Variants in OR52K1 observed in about 807,000 individuals in gnomAD.
The protein encoded by OR52K1 is olfactory receptor 52K1.
A neutral mutation model predicts 8.7 loss-of-function variants in OR52K1; 10 were observed. The ratio of observed to expected loss-of-function variants is 1.15; its 90% CI spans 0.71 to 1.95. The LOEUF (loss-of-function observed/expected upper bound fraction) is 1.95. Among genes scored for constraint, OR52K1 ranks in the 30% most tolerant of loss-of-function variants. The pLI, the probability that OR52K1 is intolerant of heterozygous loss-of-function variation, is 0.00. For missense variants in OR52K1, 431 were observed against 397.2 expected (o/e 1.08, Z -0.72); for synonymous variants, 203 against 148.5 (o/e 1.37, Z -2.67).
chr11:4,484,363 G>A (rs996985473), intron 1 of OR52K1, among the ~76,000 whole-genome samples: 1 of 152,160 alleles, frequency 6.6e-6, no homozygotes, highest in African/African-American at 2.4e-5. Flanking sequence ...AACGCAATGG[G>A]CAACGTGGAG....
intron 1 of OR52K1, among the ~76,000 whole-genome samples, chr11:4,484,259 T>A (rs914448593): frequency 1.3e-5 from 2 of 152,158 alleles, no homozygotes; most frequent in African/African-American, 4.8e-5. Flanking sequence ...AGTGGAACTT[T>A]GTGTACTTGT....
chr11:4,484,396 G>C (rs532821747), intron 1 of OR52K1, among the ~76,000 whole-genome samples: 1 of 152,318 alleles, frequency 6.6e-6, no homozygotes, highest in East Asian at 1.9e-4. Context: ...GGATGATCCA[G>C]TGTGCTTGCT....
intron 1 of OR52K1, among the ~76,000 whole-genome samples, chr11:4,487,207 G>A (rs1846327851): frequency 1.3e-5 from 2 of 152,178 alleles, no homozygotes; most frequent in African/African-American, 4.8e-5. Flanking sequence ...TGAATAAAGG[G>A]AGGAGGATTT....
rs973009985 is a variant in OR52K1, at chr11:4,485,188, T to C, written c.-329+2012T>C. ...TAAGATAGTACATTATTTGGGGATG[T>C]TTCTATCTTAATAGTTTCCACTGTC... On this transcript the variant is annotated intron_variant, in intron 1 of 1. Coordinates refer to ENST00000641528, the MANE Select transcript of OR52K1 (RefSeq NM_001005171.3). 1.0e-4 allele frequency among the ~76,000 whole-genome samples: 15 copies of C among 146,632 alleles called. No individual in the cohort carries two copies. In the South Asian group the frequency reaches 1.0e-3, roughly 10 times the overall value.
At chr11:4,487,145 G>A (rs369192129) in intron 1 of OR52K1, among the ~76,000 whole-genome samples, 1 of 152,292 alleles carries the variant, frequency 6.6e-6, no homozygotes. Context: ...CCTTGAGAGA[G>A]TTGAGATTGT....
At position 4,487,742 on chromosome 11, in the gene OR52K1, CTG is replaced by C. The variant is rs566279842; in HGVS notation, c.-328-828_-328-827del. Among the ~76,000 whole-genome samples the C allele has an allele frequency of 8.5e-5, 13 of 152,248 alleles. No individual in the cohort carries two copies. The East Asian group carries it at 1.9e-3, about 23-fold the overall frequency. ...TTTTGTTTTCAATATTTACTTTGTT[CTG>C]TGACTATTAAGTGTTTGAAGTACAT... On this transcript the variant is annotated intron_variant, in intron 1 of 1. Transcript: ENST00000641528.
In OR52K1 at chr11:4,489,005, T is replaced by C; in HGVS notation, c.105T>C (p.Phe35=). ...LHAWISIPFC[F]AYTLALLGNC... ...CCTGGATCTCCATCCCCTTCTGCTT[T>C]GCTTATACTCTGGCCCTGCTAGGCA... Residue 35 remains phenylalanine (F), a synonymous_variant, in exon 2 of 2, where the codon TTT becomes TTC. Coordinates refer to ENST00000641528, the MANE Select transcript of OR52K1 (RefSeq NM_001005171.3). 1 of 1,614,186 alleles carries C rather than the reference T, an allele frequency of 6.2e-7. No homozygotes were observed. The highest frequency in any genetic ancestry group is 8.5e-7 in the Non-Finnish European group (1 of 1,180,026).
Position 4,488,869 on chromosome 11 carries a change from T to C in OR52K1, c.-32T>C. 1 of 1,503,950 alleles carries C rather than the reference T, an allele frequency of 6.6e-7. No individual in the cohort carries two copies. Among genetic ancestry groups the C allele is most frequent in the Non-Finnish European group, 9.2e-7 (1 of 1,087,342 alleles). The allele number at this position is 1,503,950 out of a possible 1,614,324, so 93.2% of individuals were successfully genotyped here. A position where few individuals can be genotyped will look rare whatever the true frequency, so the allele number is the denominator to read the frequency against. On this transcript the variant is annotated 5_prime_UTR_variant, in exon 2 of 2. Coordinates refer to ENST00000641528, the MANE Select transcript of OR52K1 (RefSeq NM_001005171.3). ...GTATATATAGAAGGTGAAGAAGCCC[T>C]GTAAAAATTGACAAGGAGATTTCCA... is the stretch of plus-strand genomic sequence containing the variant.
intron 1 of OR52K1, among the ~76,000 whole-genome samples, chr11:4,487,947 G>C (rs988694279): frequency 1.3e-5 from 2 of 152,104 alleles, no homozygotes; most frequent in African/African-American, 4.8e-5. Flanking sequence ...AAGATAAAAA[G>C]GTGAAAAATT....
chr11:4,484,553 A>G (rs1290236731), intron 1 of OR52K1, among the ~76,000 whole-genome samples: 1 of 152,110 alleles, frequency 6.6e-6, no homozygotes, highest in East Asian at 1.9e-4. Context: ...CAGGCATGGC[A>G]GGTTTGACAT....
chr11:4,484,011 A>G (rs1020352269), intron 1 of OR52K1, among the ~76,000 whole-genome samples: 5 of 152,212 alleles, frequency 3.3e-5, no homozygotes, highest in Admixed American at 2.6e-4. Flanking sequence ...TCCATTCTGG[A>G]TGCATTTTAA....
intron 1 of OR52K1, among the ~76,000 whole-genome samples, chr11:4,487,095 G>A (rs1428886668): frequency 1.3e-5 from 2 of 152,140 alleles, no homozygotes; most frequent in African/African-American, 2.4e-5. Context: ...GGTTTGTGAT[G>A]GGAATAAAAT....
intron 1 of OR52K1, among the ~76,000 whole-genome samples, chr11:4,485,728 CA>C (rs1159092913): frequency 6.6e-6 from 1 of 152,180 alleles, no homozygotes; most frequent in Non-Finnish European, 1.5e-5. Flanking sequence ...TATTCTCCAT[CA>C]TAGATGCCAG....
intron 1 of OR52K1, among the ~76,000 whole-genome samples, chr11:4,484,725 T>C (rs1367078006): frequency 6.6e-6 from 1 of 151,648 alleles, no homozygotes; most frequent in Admixed American, 6.6e-5. Context: ...ATATTCACGG[T>C]CTTTTCAGGA....
chr11:4,483,823 C>T (rs1011212550), intron 1 of OR52K1, among the ~76,000 whole-genome samples: 1 of 152,066 alleles, frequency 6.6e-6, no homozygotes, highest in Non-Finnish European at 1.5e-5. Flanking sequence ...TTCTTAGACG[C>T]CAGGCATGTT....
chr11:4,485,572 G>A (rs538767044), intron 1 of OR52K1, among the ~76,000 whole-genome samples: 37 of 152,178 alleles, frequency 2.4e-4, no homozygotes, highest in African/African-American at 8.9e-4. Context: ...AAATGCCACT[G>A]ACACATTTTA....
intron 1 of OR52K1, among the ~76,000 whole-genome samples, chr11:4,484,839 C>CAG (rs761339266): frequency 2.1e-4 from 31 of 150,712 alleles, no homozygotes; most frequent in Non-Finnish European, 5.9e-5. Context: ...CACAGACACA[C>CAG]ACACACACAC....
In OR52K1 at chr11:4,492,588, A is replaced by T. The variant is rs1231316855; in HGVS notation, c.*2743A>T. 2.6e-5 allele frequency: 4 copies of T among 152,230 alleles called. No homozygotes were observed. Among genetic ancestry groups the T allele is most frequent in the African/African-American group, 7.2e-5 (3 of 41,454 alleles). 9.4% of individuals were successfully genotyped at this position (152,230 alleles called of 1,614,324 possible). On this transcript the variant is annotated 3_prime_UTR_variant, in exon 2 of 2. Transcript: ENST00000641528. Reference sequence around the variant, plus strand: ...TTCAACTCATGACAGCTCAAGACTGAATATTTAAAGGAAATACAGTCTTCT... The same window carrying T: ...TTCAACTCATGACAGCTCAAGACTGTATATTTAAAGGAAATACAGTCTTCT...
Position 4,482,688 on chromosome 11 carries a change from T to TA in OR52K1, c.-815dup, listed in dbSNP as rs1276062833. ...AGGCGGCACTGGTGCTGCATGAAGC[T>TA]AATGAAAAGGGCCCAGGATTGTAAG... On this transcript the variant is annotated 5_prime_UTR_variant, in exon 1 of 2. It adds an upstream start codon to the 5' untranslated region. Transcript: ENST00000641528. 1.3e-5 allele frequency: 2 copies of TA among 153,840 alleles called. No individual in the cohort carries two copies. The highest frequency in any genetic ancestry group is 4.8e-5 in the African/African-American group (2 of 41,490). 9.5% of individuals were successfully genotyped at this position (153,840 alleles called of 1,614,324 possible).
Sources: gnomAD v4.1 joint callset for allele counts (sites outside exome capture counted in the v4.1 genomes callset) on GRCh38, gnomAD v4.1.1 for gene constraint, MANE v1.5 for transcripts, NCBI Gene and HGNC (gene_info 2026-07-23, HGNC 2026-07-21) for gene names.